Variants in CDH18 observed in about 807,000 individuals in gnomAD.
CDH18 encodes the protein cadherin-18.
In CDH18, 31 loss-of-function variants were observed where a neutral mutation model predicts 67.9. The observed-to-expected ratio is 0.46, with a 90% CI of 0.34 to 0.62. CDH18 has a LOEUF of 0.62. CDH18 is among the 20% of genes least tolerant of loss of function. The pLI is 0.01. For missense variants in CDH18, 890 were observed against 975.5 expected, an observed-to-expected ratio of 0.91 and a Z score of 1.17; for synonymous variants, 362 against 347.2, an observed-to-expected ratio of 1.04 and a Z score of -0.48.
chr5:19,858,812 GA>G (rs1191490973), intron 2 of CDH18, among the ~76,000 whole-genome samples: 2 of 151,962 alleles, frequency 1.3e-5, no homozygotes, highest in Non-Finnish European at 2.9e-5. Flanking sequence ...ACAAAATGCA[GA>G]AAAACTCATT....
chr5:20,171,507 T>C (rs1736707481), intron 2 of CDH18, among the ~76,000 whole-genome samples: 1 of 151,976 alleles, frequency 6.6e-6, no homozygotes, highest in Non-Finnish European at 1.5e-5. Flanking sequence ...TGGCCACATG[T>C]ATGTCTTCTT....
chr5:20,145,379 A>T (rs1029985701), intron 2 of CDH18, among the ~76,000 whole-genome samples: 4 of 152,154 alleles, frequency 2.6e-5, no homozygotes, highest in Non-Finnish European at 5.9e-5. Flanking sequence ...TTGCATACTC[A>T]CCTGATAAAC....
chr5:20,406,370 G>A (rs4866185), intron 1 of CDH18, among the ~76,000 whole-genome samples: 2 of 151,686 alleles, frequency 1.3e-5, no homozygotes, highest in African/African-American at 2.4e-5. Flanking sequence ...ACTCATAGGT[G>A]GGAATTGAAC....
chr5:19,688,357 C>T (rs1314703289), intron 5 of CDH18, among the ~76,000 whole-genome samples: 1 of 152,156 alleles, frequency 6.6e-6, no homozygotes, highest in Non-Finnish European at 1.5e-5. Flanking sequence ...ATCTAGAATC[C>T]TCTTCCCCAG....
chr5:19,661,153 T>C (rs968755867), intron 5 of CDH18, among the ~76,000 whole-genome samples: 2 of 152,022 alleles, frequency 1.3e-5, no homozygotes, highest in Non-Finnish European at 2.9e-5. Context: ...TACATTTACA[T>C]AGCTAATTAT....
chr5:20,450,777 A>C (rs2388424), intron 1 of CDH18, among the ~76,000 whole-genome samples: 151,982 of 152,266 alleles, frequency 1, 75,849 homozygotes, highest in Non-Finnish European at 1. Flanking sequence ...TGTTCTCATG[A>C]TGCTAATAAA....
At chr5:19,859,380 G>A (rs917730661) in intron 2 of CDH18, among the ~76,000 whole-genome samples, 1 of 151,992 alleles carries the variant, frequency 6.6e-6, no homozygotes, top group Admixed American at 6.6e-5. Flanking sequence ...GCCCTGAAAG[G>A]AATCAAAGTA....
chr5:19,540,161 CT>C, intron 9 of CDH18, among the ~76,000 whole-genome samples: 1 of 152,192 alleles, frequency 6.6e-6, no homozygotes, highest in East Asian at 1.9e-4. Context: ...AACAAAGGGG[CT>C]ACAGGTCCCA....
intron 2 of CDH18, among the ~76,000 whole-genome samples, chr5:19,915,916 G>A (rs182927756): frequency 6.3e-4 from 96 of 152,212 alleles, no homozygotes; most frequent in African/African-American, 2.2e-3. Flanking sequence ...TTAACAGAAC[G>A]TATGTGTTGG....
At chr5:20,019,374 A>T (rs1053957545) in intron 2 of CDH18, among the ~76,000 whole-genome samples, 2 of 152,182 alleles carry the variant, frequency 1.3e-5, no homozygotes, top group South Asian at 4.1e-4. Flanking sequence ...ATAAAATAGC[A>T]TATTGATATG....
At chr5:20,176,746 C>A (rs745747585) in intron 2 of CDH18, among the ~76,000 whole-genome samples, 9 of 152,070 alleles carry the variant, frequency 5.9e-5, no homozygotes, top group Non-Finnish European at 1.2e-4. Flanking sequence ...TGTCTTCTTG[C>A]TCCATGTGGT....
rs1386399823 is a variant in CDH18 at position 20,501,606 on chromosome 5, A to AT, written c.-580+73855dup. 2.1e-3 allele frequency among the ~76,000 whole-genome samples: 217 copies of AT among 104,974 alleles called. 4 individuals are homozygous for AT. The highest frequency in any genetic ancestry group is 2.9e-3 in the Non-Finnish European group (152 of 52,632). 68.9% of individuals were successfully genotyped at this position (104,974 alleles called of 152,430 possible). ...TTATATATATATATTATATATATAT[A>AT]TATATATATGGAGATGGAGTCTCGC... is the stretch of plus-strand genomic sequence containing the variant. On this transcript the variant is annotated intron_variant, in intron 1 of 14. Coordinates refer to the CDH18 transcript ENST00000507958.
chr5:20,106,243 C>T (rs1746928698), intron 2 of CDH18, among the ~76,000 whole-genome samples: 1 of 152,230 alleles, frequency 6.6e-6, no homozygotes. Context: ...CTTTCACAAA[C>T]TTGTCTTCCC....
intron 1 of CDH18, among the ~76,000 whole-genome samples, chr5:20,529,120 A>G (rs1033201365): frequency 2.6e-5 from 4 of 152,118 alleles, no homozygotes; most frequent in African/African-American, 7.2e-5. Context: ...AAACACCTCT[A>G]TGCAAATAAA....
intron 3 of CDH18, among the ~76,000 whole-genome samples, chr5:19,813,912 A>T (rs191609058): frequency 1.5e-3 from 229 of 152,080 alleles, no homozygotes; most frequent in African/African-American, 5.3e-3. Flanking sequence ...TTTCACTTAC[A>T]TGTGTGTTAA....
At chr5:19,568,193 C>T (rs1740761651) in intron 8 of CDH18, among the ~76,000 whole-genome samples, 1 of 152,064 alleles carries the variant, frequency 6.6e-6, no homozygotes, top group Non-Finnish European at 1.5e-5. Context: ...ACTTCCACCC[C>T]TAGATGCCAG....
chr5:19,972,202 T>G (rs1486972964), intron 2 of CDH18, among the ~76,000 whole-genome samples: 1 of 152,078 alleles, frequency 6.6e-6, no homozygotes, highest in Non-Finnish European at 1.5e-5. Flanking sequence ...TTTTTCTCAT[T>G]TATATATTAT....
At chr5:19,771,776 C>T (rs1773757077) in intron 3 of CDH18, among the ~76,000 whole-genome samples, 2 of 152,128 alleles carry the variant, frequency 1.3e-5, no homozygotes, top group Admixed American at 1.3e-4. Flanking sequence ...CATTTGTATA[C>T]ATTTATAGGC....
intron 1 of CDH18, among the ~76,000 whole-genome samples, chr5:20,319,242 A>C (rs1330269372): frequency 1.3e-5 from 2 of 152,198 alleles, no homozygotes; most frequent in African/African-American, 4.8e-5. Flanking sequence ...CTGGCACTTG[A>C]AGCTCTCCCT....
Sources: gnomAD v4.1 joint callset for allele counts (sites outside exome capture counted in the v4.1 genomes callset) on GRCh38, gnomAD v4.1.1 for gene constraint, MANE v1.5 for transcripts, NCBI Gene and HGNC (gene_info 2026-07-23, HGNC 2026-07-21) for gene names.